Variants in DNAH8 observed in about 807,000 individuals in gnomAD.
DNAH8 encodes the protein dynein axonemal heavy chain 8, also known as axonemal beta dynein heavy chain 8.
A neutral mutation model predicts 562.1 loss-of-function variants in DNAH8; 382 were observed. The ratio of observed to expected loss-of-function variants is 0.68; its 90% CI spans 0.63 to 0.74. The LOEUF is 0.74. Among genes scored for constraint, DNAH8 ranks in the 30% least tolerant of loss-of-function variants. The probability of loss-of-function intolerance (pLI) is 0.00; values close to 1 mark genes in which losing one functional copy is unlikely to be tolerated. For synonymous variants in DNAH8, 1,881 were observed against 1,919.4 expected (o/e 0.98, Z 0.52); for missense variants, 5,203 against 5,620.4 (o/e 0.93, Z 2.37).
At chr6:38,947,750 C>CTTTTTTT (rs34044479) in intron 80 of DNAH8, among the ~76,000 whole-genome samples, 2 of 146,786 alleles carry the variant, frequency 1.4e-5, no homozygotes, top group Non-Finnish European at 3.0e-5. Flanking sequence ...AAATCCTCTT[C>CTTTTTTT]TTTTTTTTTT....
chr6:38,791,228 T>A (rs1769713782), intron 20 of DNAH8, among the ~76,000 whole-genome samples: 1 of 152,216 alleles, frequency 6.6e-6, no homozygotes, highest in Non-Finnish European at 1.5e-5. Flanking sequence ...AGCTATGTGT[T>A]CCTTCCCAGG....
At chr6:38,958,613 T>C (rs1294150406) in intron 82 of DNAH8, among the ~76,000 whole-genome samples, 1 of 104,722 alleles carries the variant, frequency 9.5e-6, no homozygotes. Flanking sequence ...CAATAATGAG[T>C]AATGAGATTG....
At chr6:38,867,902 A>G (rs1430739336) in intron 47 of DNAH8, among the ~76,000 whole-genome samples, 160 bp from the exon 48 acceptor site, 1 of 152,212 alleles carries the variant, frequency 6.6e-6, no homozygotes, top group Non-Finnish European at 1.5e-5. Flanking sequence ...ATTTCAGTCA[A>G]AGGAAAGGCA....
chr6:38,943,171 G>C (rs950469506), intron 79 of DNAH8, among the ~76,000 whole-genome samples: 5 of 152,222 alleles, frequency 3.3e-5, no homozygotes, highest in Non-Finnish European at 7.3e-5. Context: ...GAACAGAACA[G>C]TGCTTTAAGA....
intron 82 of DNAH8, among the ~76,000 whole-genome samples, chr6:38,967,754 A>G (rs955746904): frequency 2.6e-5 from 4 of 152,152 alleles, no homozygotes; most frequent in Non-Finnish European, 4.4e-5. Context: ...GCCTTTTTTA[A>G]AAATAGAAAT....
At chr6:38,869,129 GGA>G in intron 48 of DNAH8, among the ~76,000 whole-genome samples, 1 of 152,274 alleles carries the variant, frequency 6.6e-6, no homozygotes, top group Non-Finnish European at 1.5e-5. Context: ...TAACATCTGT[GGA>G]GTTCATTAGT....
At chr6:38,738,616 C>T (rs889490265) in intron 7 of DNAH8, among the ~76,000 whole-genome samples, 9 of 152,158 alleles carry the variant, frequency 5.9e-5, no homozygotes, top group Admixed American at 2.0e-4. Context: ...CAGCACAGGA[C>T]AGCAGAACTA....
In DNAH8 at chr6:38,845,772, A is replaced by G. The variant is rs1775249398; in HGVS notation, c.5044A>G (p.Arg1682Gly). The G allele has an allele frequency of 6.2e-7, 1 of 1,607,446 alleles. No individual in the cohort carries two copies. Reference sequence around the variant, plus strand: ...GGTCTTAGGGTCTTTACTCAGCAACAGGTAATTTTATAATTTGAGAGAGAG... The same window carrying G: ...GGTCTTAGGGTCTTTACTCAGCAACGGGTAATTTTATAATTTGAGAGAGAG... ...LMVLGSLLSN[R>G]YNAPFKKNIQ... Residue 1682 changes from arginine (R) to glycine (G), a missense_variant and splice_region_variant, in exon 36 of 93, where the codon AGA (arginine) becomes GGA (glycine). Coordinates refer to ENST00000327475, the MANE Select transcript of DNAH8 (RefSeq NM_001206927.2).
chr6:38,763,270 G>T (rs1017597130), intron 11 of DNAH8: 2 of 246,000 alleles, frequency 8.1e-6, no homozygotes, highest in Non-Finnish European at 1.6e-5. Context: ...AATAATTCCA[G>T]ATGGTCCAAA....
intron 61 of DNAH8, 68 bp downstream of exon 61, chr6:38,898,448 AT>A: frequency 7.3e-7 from 1 of 1,362,192 alleles, no homozygotes; most frequent in Admixed American, 2.8e-5. Flanking sequence ...TCATAGATAA[AT>A]TTTTTGAGAG....
chr6:38,946,411 C>T (rs1761431811), intron 80 of DNAH8, among the ~76,000 whole-genome samples: 1 of 152,160 alleles, frequency 6.6e-6, no homozygotes, highest in Non-Finnish European at 1.5e-5. Flanking sequence ...GGGTCTGAGT[C>T]AATTGGATAA....
At chr6:39,006,294 T>C (rs183200366) in intron 88 of DNAH8, among the ~76,000 whole-genome samples, 2 of 152,314 alleles carry the variant, frequency 1.3e-5, no homozygotes, top group East Asian at 3.9e-4. Flanking sequence ...GGTTTTAAGT[T>C]TTAGTTATGT....
At chr6:38,719,204 G>A (rs1207043518) in intron 1 of DNAH8, among the ~76,000 whole-genome samples, 2 of 152,158 alleles carry the variant, frequency 1.3e-5, no homozygotes, top group African/African-American at 4.8e-5. Context: ...TGTGGTTGCT[G>A]AGCACTTGTG....
chr6:38,900,883 A>G (rs886496647), intron 62 of DNAH8, among the ~76,000 whole-genome samples: 2 of 152,148 alleles, frequency 1.3e-5, no homozygotes, highest in African/African-American at 2.4e-5. Flanking sequence ...TCCCAAAATT[A>G]TAGGCGTGAG....
In DNAH8 at chr6:38,906,330, A is replaced by T. The variant is rs1583319039; in HGVS notation, c.9271A>T (p.Thr3091Ser). 6.2e-7 allele frequency: 1 copy of T among 1,610,960 alleles called. No individual in the cohort carries two copies. Among genetic ancestry groups the T allele is most frequent in the East Asian group, 2.2e-5 (1 of 44,808 alleles). ...KVAGADGKGI[T>S]FIFTDSEIKD... is the part of the protein sequence containing the mutation. Reference sequence around the variant, plus strand: ...TGCTGGTGCTGATGGAAAAGGCATCACTTTCATCTTTACTGACAGTGAAAT... The same window carrying T: ...TGCTGGTGCTGATGGAAAAGGCATCTCTTTCATCTTTACTGACAGTGAAAT... Residue 3091 changes from threonine (T) to serine (S), a missense_variant, in exon 63 of 93, where the codon ACT (threonine) becomes TCT (serine). Thr to Ser is a moderately conservative substitution (Grantham distance 58). This residue lies in a region of DNAH8 where 977 missense variants were observed against 1,061.8 expected (regional missense o/e 0.92). Transcript: ENST00000327475.
chr6:38,902,003 C>T (rs1748085181), intron 62 of DNAH8, among the ~76,000 whole-genome samples: 1 of 152,160 alleles, frequency 6.6e-6, no homozygotes, highest in Non-Finnish European at 1.5e-5. Flanking sequence ...ATGCAATCCT[C>T]CAATCCACAG....
rs767074174 is a variant in DNAH8, at chr6:38,851,660, T to A, written c.5452T>A (p.Ser1818Thr). The change falls in exon 39 of 93, where the codon TCC (serine) becomes ACC (threonine). Residue 1818 changes from serine to threonine, a missense_variant. Transcript: ENST00000327475. Reference protein sequence around the residue: ...LLEILGQASDSHTIQPHLPAV... With the variant: ...LLEILGQASDTHTIQPHLPAV... ...GGAAATTCTTGGACAAGCCAGTGAT[T>A]CCCACACCATACAGGTATAATCTAA... 5.0e-6 allele frequency: 8 copies of A among 1,603,104 alleles called. No homozygotes were observed. The East Asian group carries it at 1.8e-4, about 36-fold the overall frequency.
intron 33 of DNAH8, among the ~76,000 whole-genome samples, chr6:38,840,688 A>C (rs963417693): frequency 2.6e-5 from 4 of 152,220 alleles, no homozygotes; most frequent in Non-Finnish European, 5.9e-5. Context: ...ATACTTGGGA[A>C]ACACATTTCT....
intron 91 of DNAH8, among the ~76,000 whole-genome samples, chr6:39,020,348 C>CTT (rs1364225769): frequency 6.6e-6 from 1 of 152,118 alleles, no homozygotes; most frequent in Non-Finnish European, 1.5e-5. Flanking sequence ...CAGTGACTGT[C>CTT]AATGACTTGT....
Sources: allele counts gnomAD v4.1 joint callset (sites outside exome capture counted in the v4.1 genomes callset), GRCh38; gene constraint gnomAD v4.1.1; regional missense constraint gnomAD v4.1.1; transcripts MANE v1.5; gene names NCBI Gene and HGNC (gene_info 2026-07-23, HGNC 2026-07-21).